Variants in EYS observed in about 807,000 individuals in gnomAD.
EYS encodes EGF-like photoreceptor maintenance factor, also known as protein eyes shut homolog.
EYS carries 250 observed loss-of-function variants against 282.1 expected under a neutral mutation model. That is an observed-to-expected ratio of 0.89 (90% confidence interval 0.80 to 0.98). EYS has a LOEUF of 0.98. EYS is among the 50% of genes least tolerant of loss of function. The pLI, the probability that EYS is intolerant of heterozygous loss-of-function variation, is 0.00. For missense variants in EYS, 4,016 were observed against 3,709.0 expected, an observed-to-expected ratio of 1.08 and a Z score of -2.15; for synonymous variants, 1,355 against 1,282.9, an observed-to-expected ratio of 1.06 and a Z score of -1.20.
chr6:65,644,712 A>G (rs1425838397), intron 1 of EYS, among the ~76,000 whole-genome samples: 2 of 152,210 alleles, frequency 1.3e-5, no homozygotes, highest in Non-Finnish European at 2.9e-5. Flanking sequence ...TTAACAGCAG[A>G]TTTCTCAGCA....
chr6:63,899,247 C>G (rs1269164971), intron 35 of EYS, among the ~76,000 whole-genome samples: 1 of 152,138 alleles, frequency 6.6e-6, no homozygotes, highest in Non-Finnish European at 1.5e-5. Context: ...TCCCTTCACC[C>G]TGTTTTCTGA....
chr6:65,334,984 G>T lies in EYS; in HGVS notation c.1762C>A (p.Pro588Thr), dbSNP rs749363743. Residue 588 changes from proline to threonine, a missense_variant, in exon 11 of 43, where the codon CCC becomes ACC. Physicochemically the swap from Pro to Thr is conservative, Grantham distance 38. Transcript: ENST00000503581. ...GCTCAAATGATACATAAATACCTGGGTCTATTAATTTCATCTTTACAAACA... is the reference window on the plus strand; with the variant it reads ...GCTCAAATGATACATAAATACCTGGTTCTATTAATTTCATCTTTACAAACA... The part of the protein sequence containing the change: ...EAVCKDEINR[P>T]RCSCSLSYIG... 3 of 1,606,248 alleles carry T rather than the reference G, an allele frequency of 1.9e-6. No individual in the cohort carries two copies. The highest frequency in any genetic ancestry group is 1.7e-4 in the Middle Eastern group (1 of 6,018).
Position 65,439,797 on chromosome 6 carries a change from T to G in EYS, c.863-34430A>C, listed in dbSNP as rs145396644. Among the ~76,000 whole-genome samples the G allele has an allele frequency of 1.1e-3, 165 of 152,212 alleles. 4 individuals carry two copies. Among genetic ancestry groups the G allele is most frequent in the Non-Finnish European group, 2.5e-4 (17 of 67,994 alleles). ...AACCCCAATCATGCCCAGTTCTCAT[T>G]CCTGTATTTCAATTTAATTAAACTC... On this transcript the variant is annotated intron_variant, in intron 5 of 42. Coordinates refer to ENST00000503581, the MANE Select transcript of EYS (RefSeq NM_001142800.2).
chr6:64,591,321 A>G lies in EYS; in HGVS notation c.4546T>C (p.Phe1516Leu). 6.4e-7 allele frequency: 1 copy of G among 1,551,396 alleles called. No individual in the cohort carries two copies. Among genetic ancestry groups the G allele is most frequent in the Non-Finnish European group, 8.7e-7 (1 of 1,146,790 alleles). ...TILNSSALHR[F>L]STKAFNPSEY... ...CTGGGATTGAAGGCTTTTGTACTGA[A>G]CCGGTGCAGAGCTGATGAGTTTAAG... Residue 1516 changes from phenylalanine to leucine, a missense_variant, in exon 26 of 43, where the codon TTC (phenylalanine) becomes CTC (leucine). Transcript: ENST00000503581.
chr6:64,131,418 C>T (rs759322450), intron 31 of EYS, among the ~76,000 whole-genome samples: 4 of 151,936 alleles, frequency 2.6e-5, no homozygotes, highest in East Asian at 1.9e-4. Context: ...ACTTGCAAAT[C>T]GTGGAGGCAG....
chr6:65,134,353 TATTAATGACAG>T (rs1188099084), intron 12 of EYS, among the ~76,000 whole-genome samples: 3 of 152,040 alleles, frequency 2.0e-5, no homozygotes, highest in African/African-American at 7.2e-5. Context: ...CCTACATGCC[TATTAATGACAG>T]ATTGGATAAA....
rs1383262686 is a variant in EYS at position 64,686,921 on chromosome 6, ATATACG to A, written c.3444-60682_3444-60677del. 1.1e-3 allele frequency among the ~76,000 whole-genome samples: 164 copies of A among 144,622 alleles called. 4 individuals are homozygous for A. The highest frequency in any genetic ancestry group is 4.0e-3 in the African/African-American group (159 of 39,582). The allele number at this position is 144,622 out of a possible 152,430, so 94.9% of individuals were successfully genotyped here. A position where few individuals can be genotyped will look rare whatever the true frequency, so the allele number is the denominator to read the frequency against. ...TATGTGTATATATATACACACATATATATACGTATATATATACACATATATATACAT... is the reference window on the plus strand; with the variant it reads ...TATGTGTATATATATACACACATATATATATATATACACATATATATACAT... On this transcript the variant is annotated intron_variant, in intron 22 of 42. Coordinates refer to ENST00000503581, the MANE Select transcript of EYS (RefSeq NM_001142800.2).
intron 30 of EYS, among the ~76,000 whole-genome samples, chr6:64,251,938 T>G (rs1767231693): frequency 6.6e-6 from 1 of 152,092 alleles, no homozygotes; most frequent in Non-Finnish European, 1.5e-5. Context: ...GAAAGGAGAT[T>G]TCAAGGTGGA....
At chr6:63,883,593 A>G (rs1320070125) in intron 35 of EYS, among the ~76,000 whole-genome samples, 2 of 152,226 alleles carry the variant, frequency 1.3e-5, no homozygotes, top group African/African-American at 4.8e-5. Context: ...TAGGGACTCT[A>G]CAACTCTGCT....
At chr6:63,966,031 T>C (rs1214000945) in intron 35 of EYS, among the ~76,000 whole-genome samples, 1 of 152,192 alleles carries the variant, frequency 6.6e-6, no homozygotes, top group Non-Finnish European at 1.5e-5. Context: ...GGGGTTGCAA[T>C]GTCTATTTTT....
chr6:64,966,593 C>G (rs1374358184), intron 14 of EYS, among the ~76,000 whole-genome samples: 2 of 152,158 alleles, frequency 1.3e-5, no homozygotes, highest in Non-Finnish European at 2.9e-5. Context: ...TGTTCCATTT[C>G]CTTTTCTAGC....
At chr6:65,491,561 C>T in intron 4 of EYS, 1 of 434,570 alleles carries the variant, frequency 2.3e-6, no homozygotes, top group South Asian at 1.7e-5. Flanking sequence ...TAATGCAGAA[C>T]TTTTTTCTTC....
intron 13 of EYS, among the ~76,000 whole-genome samples, chr6:65,013,734 C>T (rs1418302604): frequency 6.6e-6 from 1 of 152,044 alleles, no homozygotes; most frequent in African/African-American, 2.4e-5. Flanking sequence ...GTGATAGGCA[C>T]ACCTATAGTC....
chr6:64,758,195 T>C (rs1773020350), intron 22 of EYS, among the ~76,000 whole-genome samples: 1 of 152,086 alleles, frequency 6.6e-6, no homozygotes, highest in Non-Finnish European at 1.5e-5. Context: ...ATAGGGATCC[T>C]GGGAAAAACC....
Position 63,884,589 on chromosome 6 carries a change from G to A in EYS, c.7056-20231C>T, listed in dbSNP as rs190918723. On this transcript the variant is annotated intron_variant, in intron 35 of 42. Coordinates refer to ENST00000503581, the MANE Select transcript of EYS (RefSeq NM_001142800.2). ...TATTTTAAAAATCTTGACCAAGTTCGTGCATGGGGAGCAAAAATACGCACC... is the reference window on the plus strand; with the variant it reads ...TATTTTAAAAATCTTGACCAAGTTCATGCATGGGGAGCAAAAATACGCACC... Among the ~76,000 whole-genome samples, 100 of 152,170 alleles carry A rather than the reference G, an allele frequency of 6.6e-4. 3 individuals are homozygous for A. In the South Asian group the frequency reaches 0.018, roughly 28 times the overall value.
At chr6:64,884,271 G>A (rs1378013128) in intron 19 of EYS, among the ~76,000 whole-genome samples, 2 of 151,432 alleles carry the variant, frequency 1.3e-5, no homozygotes, top group African/African-American at 4.8e-5. Context: ...TGTATTTAAT[G>A]TTATTTTAAC....
intron 22 of EYS, among the ~76,000 whole-genome samples, chr6:64,734,390 A>G (rs1772111723): frequency 6.6e-6 from 1 of 151,964 alleles, no homozygotes; most frequent in South Asian, 2.1e-4. Flanking sequence ...TTGTGTTTGG[A>G]GAGAAAAACT....
chr6:65,020,286 C>A (rs973796078), intron 13 of EYS, among the ~76,000 whole-genome samples: 1 of 152,120 alleles, frequency 6.6e-6, no homozygotes, highest in African/African-American at 2.4e-5. Context: ...AAATCAAAAG[C>A]AAGTTAGTTA....
intron 15 of EYS, among the ~76,000 whole-genome samples, chr6:64,922,816 T>C (rs1448722840): frequency 6.6e-6 from 1 of 152,158 alleles, no homozygotes; most frequent in Admixed American, 6.5e-5. Flanking sequence ...TAACAGAGAC[T>C]ATGACAGTCA....
Sources: allele counts gnomAD v4.1 joint callset (sites outside exome capture counted in the v4.1 genomes callset), GRCh38; gene constraint gnomAD v4.1.1; transcripts MANE v1.5; gene names NCBI Gene and HGNC (gene_info 2026-07-23, HGNC 2026-07-21).